The following DHRS7 variants were observed in gnomAD, a reference collection of about 807,000 sequenced individuals.
DHRS7 encodes dehydrogenase/reductase SDR family member 7.
Under a neutral mutation model 38.9 loss-of-function variants are expected in DHRS7, and 34 were observed. The ratio of observed to expected loss-of-function variants is 0.87; its 90% CI spans 0.66 to 1.16. DHRS7 has a LOEUF of 1.16. Ranked by LOEUF, DHRS7 falls within the 50% of genes most tolerant of loss-of-function variation. The pLI is 0.00. For synonymous variants in DHRS7, 158 were observed against 153.1 expected (o/e 1.03, Z -0.24); for missense variants, 421 against 407.0 (o/e 1.03, Z -0.30).
chr14:60,149,299 T>C (rs1896480064), intron 6 of DHRS7, 54 bp downstream of exon 6: 1 of 1,557,294 alleles, frequency 6.4e-7, no homozygotes, highest in Non-Finnish European at 8.9e-7. Flanking sequence ...GAAAATTCTG[T>C]ACCTTCCTGC....
At position 60,154,018 on chromosome 14, in the gene DHRS7, G is replaced by A. The variant is rs372840958; in HGVS notation, c.334C>T (p.Leu112=). The change falls in exon 3 of 7, where the codon CTG becomes TTG. Residue 112 remains leucine (L), a synonymous_variant. Transcript: ENST00000557185. ...EKDILVLPLD[L]TDTGSHEAAT... ...GCTTCATGGGAACCAGTGTCGGTCA[G>A]GTCAAGGGGCAAAACAAGTATATCT... The A allele has an allele frequency of 1.1e-5, 17 of 1,613,978 alleles. No homozygotes were observed. The highest frequency in any genetic ancestry group is 1.7e-5 in the Admixed American group (1 of 59,996).
chr14:60,156,841 T>G (rs1390963951), intron 1 of DHRS7, among the ~76,000 whole-genome samples: 1 of 152,150 alleles, frequency 6.6e-6, no homozygotes, highest in African/African-American at 2.4e-5. Context: ...TACAGAGAGA[T>G]GAAATATTGT....
intron 1 of DHRS7, among the ~76,000 whole-genome samples, chr14:60,157,732 A>AGC (rs1896686399): frequency 6.7e-6 from 1 of 148,576 alleles, no homozygotes; most frequent in South Asian, 2.2e-4. Context: ...TGGAATATTG[A>AGC]AAAGGCTCCA....
Position 60,165,103 on chromosome 14 carries a change from C to T in DHRS7, c.133+74G>A. On this transcript the variant is annotated intron_variant, in intron 1 of 6. Transcript: ENST00000557185. The surrounding 1 kb of genome is among the most constrained non-coding windows in gnomAD (Gnocchi z 4.6). Reference sequence around the variant, plus strand: ...AAGGACCCGGGATCACTGCAGAACCCCCGGAGACCCGGACACGCCTCGGCA... The same window carrying T: ...AAGGACCCGGGATCACTGCAGAACCTCCGGAGACCCGGACACGCCTCGGCA... The T allele has an allele frequency of 1.9e-6, 3 of 1,569,308 alleles. No homozygotes were observed. The highest frequency in any genetic ancestry group is 2.6e-6 in the Non-Finnish European group (3 of 1,155,092).
chr14:60,168,662 C>G (rs1467744737), upstream of DHRS7: 1 of 1,518,918 alleles, frequency 6.6e-7, no homozygotes, highest in Non-Finnish European at 8.8e-7. Flanking sequence ...ATGCTTTTTC[C>G]TCTCCTTCTC....
chr14:60,162,628 AT>A lies in DHRS7; in HGVS notation c.133+2548del, dbSNP rs928067786. Among the ~76,000 whole-genome samples, 2 of 151,168 alleles carry A rather than the reference AT, an allele frequency of 1.3e-5. No homozygotes were observed. The highest frequency in any genetic ancestry group is 1.9e-4 in the East Asian group (1 of 5,146). On this transcript the variant is annotated intron_variant, in intron 1 of 6. Transcript: ENST00000557185. The surrounding 1 kb of genome is among the most constrained non-coding windows in gnomAD (Gnocchi z 4.5). ...TAAACCTACAGAGAAGTCAAGAAGG[AT>A]TTTTTTTTCTTTTTTCATCTTGATA...
rs1317070751 is a variant in DHRS7, at chr14:60,162,397, C to T, written c.133+2780G>A. Among the ~76,000 whole-genome samples the T allele has an allele frequency of 1.3e-5, 2 of 151,430 alleles. No individual in the cohort carries two copies. Among genetic ancestry groups the T allele is most frequent in the Admixed American group, 6.6e-5 (1 of 15,186 alleles). ...CTCTATTAAAAAAAAAAAAAAATCA[C>T]CATGTGAGATATATGCTTGGAAATG... On this transcript the variant is annotated intron_variant, in intron 1 of 6. Coordinates refer to ENST00000557185, the MANE Select transcript of DHRS7 (RefSeq NM_016029.4). This position sits in a 1 kb window ranked among gnomAD's most constrained non-coding sequence, Gnocchi z 4.5.
chr14:60,153,964 C>T lies in DHRS7; in HGVS notation c.388G>A (p.Gly130Ser). Reference sequence around the variant, plus strand: ...CAATATAAGATGCTACTTACTCTACCAAACTCCTGGAGAACAGCTTTGGTA... The same window carrying T: ...CAATATAAGATGCTACTTACTCTACTAAACTCCTGGAGAACAGCTTTGGTA... ...AATKAVLQEF[G>S]RIDILVNNGG... Residue 130 changes from glycine (G) to serine (S), a missense_variant, in exon 3 of 7, where the codon GGT becomes AGT. Coordinates refer to ENST00000557185, the MANE Select transcript of DHRS7 (RefSeq NM_016029.4). The surrounding 1 kb of genome is among the most constrained non-coding windows in gnomAD (Gnocchi z 4.4). 6.2e-7 allele frequency: 1 copy of T among 1,613,822 alleles called. No individual in the cohort carries two copies. Among genetic ancestry groups the T allele is most frequent in the Non-Finnish European group, 8.5e-7 (1 of 1,179,752 alleles).
chr14:60,151,111 T>G (rs1896535729), intron 4 of DHRS7, among the ~76,000 whole-genome samples: 1 of 152,198 alleles, frequency 6.6e-6, no homozygotes, highest in African/African-American at 2.4e-5. Flanking sequence ...AAGAATGAAT[T>G]CAACTTTTTC....
chr14:60,168,625 A>G, upstream of DHRS7: 1 of 1,474,152 alleles, frequency 6.8e-7, no homozygotes, highest in South Asian at 1.4e-5. Context: ...ATATGCAAAT[A>G]TTTTCTTAAA....
chr14:60,148,512 G>T lies in DHRS7; in HGVS notation c.972+841C>A, dbSNP rs1896461982. 6.6e-6 allele frequency among the ~76,000 whole-genome samples: 1 copy of T among 152,220 alleles called. No homozygotes were observed. The highest frequency in any genetic ancestry group is 1.5e-5 in the Non-Finnish European group (1 of 68,036). ...TCCCTGACTAATTGCTATAAAGAAT[G>T]AGTGCTGAAAGAATGATAATCAGCA... is the stretch of plus-strand genomic sequence containing the variant. On this transcript the variant is annotated intron_variant, in intron 6 of 6. Coordinates refer to ENST00000557185, the MANE Select transcript of DHRS7 (RefSeq NM_016029.4). The surrounding 1 kb of genome is among the most constrained non-coding windows in gnomAD (Gnocchi z 4.8).
At chr14:60,159,757 T>C (rs566136582) in intron 1 of DHRS7, among the ~76,000 whole-genome samples, 1 of 152,296 alleles carries the variant, frequency 6.6e-6, no homozygotes, top group South Asian at 2.1e-4. Flanking sequence ...GGCTTCTTCC[T>C]TCCTATCTCC....
Position 60,153,134 on chromosome 14 carries a change from C to A in DHRS7, c.438G>T (p.Leu146=), listed in dbSNP as rs763765809. 3.7e-6 allele frequency: 6 copies of A among 1,614,010 alleles called. No individual in the cohort carries two copies. The highest frequency in any genetic ancestry group is 4.2e-6 in the Non-Finnish European group (5 of 1,180,024). The part of the protein sequence containing the change: ...VNNGGMSQRS[L]CMDTSLDVYR... ...AGACATCCAAGCTGGTATCCATGCA[C>A]AGAGAACGCTGGGACATTCCACCAT... Residue 146 remains leucine (L), a synonymous_variant, in exon 4 of 7, where the codon CTG becomes CTT. Coordinates refer to ENST00000557185, the MANE Select transcript of DHRS7 (RefSeq NM_016029.4). The surrounding 1 kb of genome is among the most constrained non-coding windows in gnomAD (Gnocchi z 4.4).
chr14:60,152,604 A>T, intron 4 of DHRS7: 2 of 237,370 alleles, frequency 8.4e-6, no homozygotes, highest in South Asian at 7.1e-5. Flanking sequence ...AAGATTTAGT[A>T]GGAATAAGGA....
upstream of DHRS7, among the ~76,000 whole-genome samples, chr14:60,168,330 T>G (rs1896891913): frequency 1.3e-5 from 2 of 152,188 alleles, no homozygotes; most frequent in Admixed American, 1.3e-4. Context: ...AAACTTCCCT[T>G]TATATATCTT....
At chr14:60,167,868 G>C (rs959673458), upstream of DHRS7, among the ~76,000 whole-genome samples, 6 of 152,164 alleles carry the variant, frequency 3.9e-5, no homozygotes, top group African/African-American at 1.4e-4. Context: ...GAGTGCTAAC[G>C]ATCTGGGCAC....
At position 60,153,996 on chromosome 14, in the gene DHRS7, T is replaced by C. The variant is rs1896605765; in HGVS notation, c.356A>G (p.Glu119Gly). Residue 119 changes from glutamate to glycine, a missense_variant, in exon 3 of 7, where the codon GAA (glutamate) becomes GGA (glycine). Physicochemically the swap from Glu to Gly is moderately conservative, Grantham distance 98. Coordinates refer to ENST00000557185, the MANE Select transcript of DHRS7 (RefSeq NM_016029.4). This position sits in a 1 kb window ranked among gnomAD's most constrained non-coding sequence, Gnocchi z 4.4. ...CTGGAGAACAGCTTTGGTAGCCGCT[T>C]CATGGGAACCAGTGTCGGTCAGGTC... ...PLDLTDTGSH[E>G]AATKAVLQEF... 6.2e-7 allele frequency: 1 copy of C among 1,613,976 alleles called. No homozygotes were observed. Among genetic ancestry groups the C allele is most frequent in the Admixed American group, 1.7e-5 (1 of 59,994 alleles).
intron 2 of DHRS7, among the ~76,000 whole-genome samples, chr14:60,155,366 T>A (rs946317156): frequency 2.0e-5 from 3 of 152,132 alleles, no homozygotes; most frequent in African/African-American, 7.2e-5. Flanking sequence ...CAAGAATCGC[T>A]TGAACCTGTG....
At position 60,154,006 on chromosome 14, in the gene DHRS7, C is replaced by A; in HGVS notation, c.346G>T (p.Gly116Cys). ...LVLPLDLTDT[G>C]SHEAATKAVL... Reference sequence around the variant, plus strand: ...GCTTTGGTAGCCGCTTCATGGGAACCAGTGTCGGTCAGGTCAAGGGGCAAA... The same window carrying A: ...GCTTTGGTAGCCGCTTCATGGGAACAAGTGTCGGTCAGGTCAAGGGGCAAA... Residue 116 changes from glycine (G) to cysteine (C), a missense_variant, in exon 3 of 7, where the codon GGT becomes TGT. Physicochemically the swap from Gly to Cys is radical, Grantham distance 159. Coordinates refer to ENST00000557185, the MANE Select transcript of DHRS7 (RefSeq NM_016029.4). 1 of 1,614,102 alleles carries A rather than the reference C, an allele frequency of 6.2e-7. No homozygotes were observed.
Sources: gnomAD v4.1 joint callset for allele counts (sites outside exome capture counted in the v4.1 genomes callset) on GRCh38, gnomAD v4.1.1 for gene constraint, Gnocchi (gnomAD v3.1) non-coding constraint, MANE v1.5 for transcripts, NCBI Gene and HGNC (gene_info 2026-07-23, HGNC 2026-07-21) for gene names.